Variants in ZNF423 observed in about 807,000 individuals in gnomAD.
The protein encoded by ZNF423 is Ebf-associated zinc finger protein.
ZNF423 carries 12 observed loss-of-function variants against 95.8 expected under a neutral mutation model. The ratio of observed to expected loss-of-function variants is 0.13; its 90% CI spans 0.08 to 0.20. The LOEUF is 0.20. ZNF423 is among the 10% of genes least tolerant of loss of function. ZNF423 has a pLI of 1.00. For synonymous variants in ZNF423, 749 were observed against 711.9 expected (o/e 1.05, Z -0.83); for missense variants, 1,316 against 1,737.1 (o/e 0.76, Z 4.31).
At chr16:49,549,695 C>T (rs1238779793) in intron 5 of ZNF423, among the ~76,000 whole-genome samples, 1 of 152,148 alleles carries the variant, frequency 6.6e-6, no homozygotes, top group Admixed American at 6.5e-5. Flanking sequence ...TTGTAACGTC[C>T]TTTTGTGCTG....
chr16:49,752,650 G>A (rs2033654140), intron 2 of ZNF423, among the ~76,000 whole-genome samples: 1 of 152,218 alleles, frequency 6.6e-6, no homozygotes, highest in Non-Finnish European at 1.5e-5. Context: ...GAAAAAACCT[G>A]CACAAATTCA....
At chr16:49,544,882 T>C (rs1338538579) in intron 5 of ZNF423, among the ~76,000 whole-genome samples, 2 of 152,254 alleles carry the variant, frequency 1.3e-5, no homozygotes, top group Admixed American at 1.3e-4. Flanking sequence ...GGGTGCAGCA[T>C]TGGGTGCTGG....
intron 3 of ZNF423, among the ~76,000 whole-genome samples, chr16:49,718,805 T>C (rs1040200747): frequency 3.3e-5 from 5 of 152,126 alleles, no homozygotes; most frequent in African/African-American, 1.2e-4. Context: ...ATCCCATTCT[T>C]CCAGAGCCTT....
chr16:49,746,038 T>G (rs1413344357), intron 2 of ZNF423, among the ~76,000 whole-genome samples: 2 of 152,142 alleles, frequency 1.3e-5, no homozygotes, highest in African/African-American at 2.4e-5. Flanking sequence ...TAATTTCATC[T>G]GAGCTTTGTC....
chr16:49,699,928 C>T (rs769219498), intron 3 of ZNF423, among the ~76,000 whole-genome samples: 8 of 152,122 alleles, frequency 5.3e-5, no homozygotes, highest in Non-Finnish European at 8.8e-5. Context: ...CCCCACCCCA[C>T]AGCAGCTCCC....
intron 1 of ZNF423, chr16:49,854,577 G>T: frequency 1.0e-6 from 1 of 985,426 alleles, no homozygotes; most frequent in Non-Finnish European, 1.2e-6. Context: ...AGACTTAGCC[G>T]CTCTCATCGT....
At chr16:49,601,761 T>G (rs1971382075) in intron 5 of ZNF423, among the ~76,000 whole-genome samples, 1 of 152,234 alleles carries the variant, frequency 6.6e-6, no homozygotes, top group African/African-American at 2.4e-5. Flanking sequence ...CTTTGGGACC[T>G]GCAGGCGGTG....
intron 5 of ZNF423, among the ~76,000 whole-genome samples, chr16:49,571,501 T>C (rs1970353554): frequency 6.6e-6 from 1 of 151,752 alleles, no homozygotes. Flanking sequence ...GGCCTGTGGC[T>C]GGAATGCAGA....
chr16:49,523,380 C>T (rs2151705220), intron 7 of ZNF423, among the ~76,000 whole-genome samples: 1 of 152,338 alleles, frequency 6.6e-6, no homozygotes, highest in South Asian at 2.1e-4. Flanking sequence ...CCACGAAACA[C>T]CTCAAATGTA....
intron 1 of ZNF423, among the ~76,000 whole-genome samples, chr16:49,837,224 T>C (rs2035130035): frequency 6.6e-6 from 1 of 152,178 alleles, no homozygotes; most frequent in Middle Eastern, 3.4e-3. Context: ...GTCCATGGGA[T>C]ATGGAGACCT....
intron 5 of ZNF423, among the ~76,000 whole-genome samples, chr16:49,550,708 G>A (rs8053958): frequency 0.037 from 5,615 of 152,334 alleles, 369 homozygotes; most frequent in African/African-American, 0.13. Flanking sequence ...GACAGCCGTG[G>A]GAGCAAGGGA....
chr16:49,704,930 C>T (rs1308818200), intron 3 of ZNF423, among the ~76,000 whole-genome samples: 2 of 152,206 alleles, frequency 1.3e-5, no homozygotes, highest in African/African-American at 4.8e-5. Context: ...TCCCTCCTGG[C>T]CTGGAAGCCA....
intron 1 of ZNF423, among the ~76,000 whole-genome samples, chr16:49,844,156 C>T (rs1180855603): frequency 2.0e-5 from 3 of 151,362 alleles, no homozygotes; most frequent in East Asian, 3.9e-4. Context: ...GTGACTCGCA[C>T]CTATAGTCCC....
intron 2 of ZNF423, among the ~76,000 whole-genome samples, chr16:49,750,114 C>G (rs954241595): frequency 1.3e-5 from 2 of 152,220 alleles, no homozygotes; most frequent in African/African-American, 4.8e-5. Context: ...TGCAAGCTCA[C>G]CTATCATGCT....
chr16:49,780,244 C>A (rs1183371318), intron 2 of ZNF423, among the ~76,000 whole-genome samples: 2 of 152,170 alleles, frequency 1.3e-5, no homozygotes, highest in Non-Finnish European at 2.9e-5. Flanking sequence ...GCAGGCATGT[C>A]GACGAGGAAG....
At chr16:49,519,309 G>A (rs1968286577) in intron 7 of ZNF423, among the ~76,000 whole-genome samples, 1 of 152,180 alleles carries the variant, frequency 6.6e-6, no homozygotes, top group Admixed American at 6.5e-5. Context: ...CTAAGAGTGG[G>A]ATTACTGGGT....
At chr16:49,569,934 C>A (rs189944404) in intron 5 of ZNF423, among the ~76,000 whole-genome samples, 1 of 152,146 alleles carries the variant, frequency 6.6e-6, no homozygotes, top group Non-Finnish European at 1.5e-5. Flanking sequence ...GTGGCAGGGG[C>A]GTAAGCAACT....
chr16:49,493,663 C>T (rs963016666), intron 7 of ZNF423, among the ~76,000 whole-genome samples: 1 of 152,162 alleles, frequency 6.6e-6, no homozygotes, highest in Non-Finnish European at 1.5e-5. Flanking sequence ...ATTATGGTTC[C>T]TAGGGCCTGG....
chr16:49,498,596 TCCAGCCAAAAAG>T (rs955004518), intron 7 of ZNF423, among the ~76,000 whole-genome samples: 1 of 152,128 alleles, frequency 6.6e-6, no homozygotes, highest in African/African-American at 2.4e-5. Context: ...AGCTCATGCC[TCCAGCCAAAAAG>T]GTGTGTCAGC....
Sources: allele counts gnomAD v4.1 joint callset (sites outside exome capture counted in the v4.1 genomes callset), GRCh38; gene constraint gnomAD v4.1.1; transcripts MANE v1.5; gene names NCBI Gene and HGNC (gene_info 2026-07-23, HGNC 2026-07-21).